Variants in TYW1 observed in about 807,000 individuals in gnomAD.
TYW1 encodes S-adenosyl-L-methionine-dependent tRNA 4-demethylwyosine synthase TYW1.
In TYW1, 46 loss-of-function variants were observed where a neutral mutation model predicts 96.2. The observed-to-expected ratio is 0.48, with a 90% CI of 0.38 to 0.61. The LOEUF (loss-of-function observed/expected upper bound fraction) is 0.61, where lower values mean the gene tolerates loss of function less well. TYW1 is among the 20% of genes least tolerant of loss of function. The pLI is 0.00. For missense variants in TYW1, 684 were observed against 909.6 expected, an observed-to-expected ratio of 0.75 and a Z score of 3.19; for synonymous variants, 274 against 323.0, an observed-to-expected ratio of 0.85 and a Z score of 1.63.
chr7:67,024,230 A>T (rs1231378814), intron 6 of TYW1, among the ~76,000 whole-genome samples: 2 of 152,038 alleles, frequency 1.3e-5, no homozygotes, highest in African/African-American at 2.4e-5. Flanking sequence ...GGGTTTCACT[A>T]TGTTGCCCAG....
intron 3 of TYW1, among the ~76,000 whole-genome samples, chr7:67,005,581 G>A (rs1333347196): frequency 1.3e-5 from 2 of 152,214 alleles, no homozygotes; most frequent in African/African-American, 4.8e-5. Context: ...GGGTGACAGA[G>A]TGAGACCTTG....
At chr7:67,083,655 G>A in intron 11 of TYW1, 116 bp downstream of exon 11, 1 of 1,143,210 alleles carries the variant, frequency 8.7e-7, no homozygotes. Context: ...TTTCCTCTAA[G>A]GAAGTGAAAA....
chr7:67,063,643 A>G (rs1238553499), intron 9 of TYW1, among the ~76,000 whole-genome samples: 2 of 151,656 alleles, frequency 1.3e-5, no homozygotes, highest in African/African-American at 2.4e-5. Context: ...TCGCTCTGTC[A>G]CCCAGGCTGG....
intron 13 of TYW1, among the ~76,000 whole-genome samples, chr7:67,133,224 C>T (rs2116065552): frequency 6.6e-6 from 1 of 151,078 alleles, no homozygotes; most frequent in East Asian, 1.9e-4. Flanking sequence ...GCAGTCTCAA[C>T]CTCCTGGGCT....
intron 13 of TYW1, among the ~76,000 whole-genome samples, chr7:67,152,471 A>G (rs1009422205): frequency 5.3e-5 from 8 of 151,780 alleles, no homozygotes; most frequent in Non-Finnish European, 8.8e-5. Context: ...TCTTCCCCTC[A>G]TCTTTTGACA....
At chr7:67,145,156 T>C (rs1167529193) in intron 13 of TYW1, among the ~76,000 whole-genome samples, 1 of 133,444 alleles carries the variant, frequency 7.5e-6, no homozygotes, top group East Asian at 2.0e-4. Flanking sequence ...GTTTCTTTTT[T>C]TTTTTTTTTT....
intron 11 of TYW1, 139 bp downstream of exon 11, chr7:67,083,678 A>G: frequency 1.1e-6 from 1 of 922,060 alleles, no homozygotes; most frequent in East Asian, 2.7e-5. Context: ...TTGTAGGAAT[A>G]TTATATATAT....
chr7:67,210,619 A>G (rs2116390844), intron 15 of TYW1, among the ~76,000 whole-genome samples: 1 of 152,278 alleles, frequency 6.6e-6, no homozygotes, highest in African/African-American at 2.4e-5. Flanking sequence ...TCAGTCATAT[A>G]TCTGTATCAC....
intron 3 of TYW1, among the ~76,000 whole-genome samples, chr7:67,003,023 G>A (rs1221063233): frequency 2.6e-5 from 4 of 151,642 alleles, no homozygotes. Flanking sequence ...CACCCGCCTC[G>A]GCCACTGAAA....
At chr7:67,128,064 G>A (rs2116037386) in intron 13 of TYW1, among the ~76,000 whole-genome samples, 1 of 152,228 alleles carries the variant, frequency 6.6e-6, no homozygotes, top group African/African-American at 2.4e-5. Flanking sequence ...GGAGCCTCCT[G>A]ACTGTGGTTT....
intron 12 of TYW1, among the ~76,000 whole-genome samples, chr7:67,108,045 T>A (rs565961677): frequency 6.6e-6 from 1 of 151,954 alleles, no homozygotes; most frequent in East Asian, 1.9e-4. Context: ...CCCAGCTAAT[T>A]TTTGTATTTA....
intron 10 of TYW1, among the ~76,000 whole-genome samples, chr7:67,079,202 T>TGTGTGTG (rs1563001310): frequency 1.5e-5 from 2 of 135,384 alleles, no homozygotes; most frequent in Non-Finnish European, 3.3e-5. Flanking sequence ...GTGTGTGTGT[T>TGTGTGTG]TTAGGTTTGG....
intron 7 of TYW1, among the ~76,000 whole-genome samples, chr7:67,044,344 C>T (rs1388804572): frequency 2.0e-5 from 3 of 151,962 alleles, no homozygotes; most frequent in Non-Finnish European, 2.9e-5. Context: ...GTGATCTGCC[C>T]GCCTCAGCCT....
At chr7:67,096,294 G>A (rs552957012) in intron 11 of TYW1, among the ~76,000 whole-genome samples, 7 of 152,306 alleles carry the variant, frequency 4.6e-5, no homozygotes, top group Non-Finnish European at 8.8e-5. Context: ...GGAGGCTGAG[G>A]CAGGAGAATG....
chr7:67,221,876 T>A (rs1474560116), intron 15 of TYW1, among the ~76,000 whole-genome samples: 1 of 151,038 alleles, frequency 6.6e-6, no homozygotes, highest in Non-Finnish European at 1.5e-5. Flanking sequence ...TTTTTTTTTT[T>A]AAACACATTA....
At chr7:67,016,850 C>G (rs192139921) in intron 5 of TYW1, among the ~76,000 whole-genome samples, 4 of 152,238 alleles carry the variant, frequency 2.6e-5, no homozygotes, top group Non-Finnish European at 5.9e-5. Flanking sequence ...TGGTGTTGAA[C>G]TCGGGCTTGA....
At chr7:67,080,299 G>A (rs1796340274) in intron 10 of TYW1, among the ~76,000 whole-genome samples, 1 of 152,066 alleles carries the variant, frequency 6.6e-6, no homozygotes, top group Admixed American at 6.5e-5. Context: ...TCTTGCTGCA[G>A]TGATTCCTTT....
At chr7:66,999,303 G>A (rs1365206259) in intron 3 of TYW1, among the ~76,000 whole-genome samples, 1 of 152,150 alleles carries the variant, frequency 6.6e-6, no homozygotes, top group Non-Finnish European at 1.5e-5. Context: ...AAAAAGGATG[G>A]CACTAATAGT....
At chr7:67,079,871 A>G (rs1796327082) in intron 10 of TYW1, among the ~76,000 whole-genome samples, 1 of 152,038 alleles carries the variant, frequency 6.6e-6, no homozygotes, top group South Asian at 2.1e-4. Flanking sequence ...AGAGTGTGCT[A>G]TTTGGTTTCC....
Sources: gnomAD v4.1 joint callset for allele counts (sites outside exome capture counted in the v4.1 genomes callset) on GRCh38, gnomAD v4.1.1 for gene constraint, MANE v1.5 for transcripts, NCBI Gene and HGNC (gene_info 2026-07-23, HGNC 2026-07-21) for gene names.